Variants in BRD10 observed in about 807,000 individuals in gnomAD.
BRD10 encodes the protein bromodomain containing 10.
the BRD10 span, among the ~76,000 whole-genome samples, chr9:5,996,642 T>C: frequency 6.6e-6 from 1 of 152,180 alleles, no homozygotes; most frequent in Non-Finnish European, 1.5e-5. Context: ...ATGTAACTAA[T>C]TTTTAAAAAA....
the BRD10 span, among the ~76,000 whole-genome samples, chr9:5,972,587 T>C: frequency 3.0e-4 from 46 of 152,202 alleles, no homozygotes; most frequent in South Asian, 1.7e-3. Flanking sequence ...CAAGAACTAA[T>C]TGTTAAAATG....
At chr9:5,911,758 C>T in the BRD10 span, among the ~76,000 whole-genome samples, 1 of 152,010 alleles carries the variant, frequency 6.6e-6, no homozygotes, top group African/African-American at 2.4e-5. Flanking sequence ...TGGTCTTGAA[C>T]TCCTGACCTC....
the BRD10 span, among the ~76,000 whole-genome samples, chr9:5,928,446 A>G: frequency 1.3e-5 from 2 of 152,134 alleles, no homozygotes; most frequent in Non-Finnish European, 2.9e-5. Context: ...CTCAGTGTAA[A>G]AACTCCAATT....
chr9:5,954,153 AAAAC>A, the BRD10 span: 1 of 914,724 alleles, frequency 1.1e-6, no homozygotes, highest in East Asian at 2.6e-5. Context: ...TCATTAACAA[AAAAC>A]AAATTACGCA....
chr9:5,994,255 CA>C, the BRD10 span, among the ~76,000 whole-genome samples: 1 of 151,914 alleles, frequency 6.6e-6, no homozygotes, highest in Non-Finnish European at 1.5e-5. Context: ...ATATATAAAA[CA>C]TAATAGTAAA....
chr9:5,948,988 G>A, the BRD10 span, among the ~76,000 whole-genome samples: 2 of 152,170 alleles, frequency 1.3e-5, no homozygotes, highest in East Asian at 3.9e-4. Flanking sequence ...TGACATGAAA[G>A]CCAAATTAGT....
At chr9:5,914,397 A>G in the BRD10 span, among the ~76,000 whole-genome samples, 1 of 137,280 alleles carries the variant, frequency 7.3e-6, no homozygotes, top group African/African-American at 2.7e-5. Flanking sequence ...ATGGTGTTTT[A>G]CAAATCCAGA....
At chr9:5,883,329 C>T in the BRD10 span, among the ~76,000 whole-genome samples, 1 of 152,170 alleles carries the variant, frequency 6.6e-6, no homozygotes, top group Non-Finnish European at 1.5e-5. Flanking sequence ...CTCCAAGGAA[C>T]CTGAACTTGT....
chr9:5,976,327 A>C, the BRD10 span, among the ~76,000 whole-genome samples: 1 of 152,238 alleles, frequency 6.6e-6, no homozygotes, highest in African/African-American at 2.4e-5. Context: ...TTATGTACTG[A>C]GAAGGGTAGA....
At chr9:6,007,821 A>T in the BRD10 span, 1 of 1,425,398 alleles carries the variant, frequency 7.0e-7, no homozygotes, top group East Asian at 2.7e-5. Flanking sequence ...GGTGTGGAAC[A>T]GCCGCTCGAG....
the BRD10 span, among the ~76,000 whole-genome samples, chr9:6,003,442 T>C: frequency 6.6e-6 from 1 of 152,336 alleles, no homozygotes; most frequent in African/African-American, 2.4e-5. Flanking sequence ...ATCTTCTCCC[T>C]GTTTCTAATG....
At chr9:5,893,434 C>T in the BRD10 span, among the ~76,000 whole-genome samples, 3 of 152,160 alleles carry the variant, frequency 2.0e-5, no homozygotes, top group East Asian at 3.8e-4. Flanking sequence ...AACAGTCAAC[C>T]GCAGGGACCA....
chr9:5,985,913 T>C, the BRD10 span, among the ~76,000 whole-genome samples: 1 of 152,324 alleles, frequency 6.6e-6, no homozygotes, highest in East Asian at 1.9e-4. Flanking sequence ...ATGGCATTTA[T>C]GGCTAATTCT....
the BRD10 span, among the ~76,000 whole-genome samples, chr9:5,985,927 A>C: frequency 2.0e-5 from 3 of 151,966 alleles, no homozygotes; most frequent in Non-Finnish European, 2.9e-5. Context: ...TAATTCTTTA[A>C]AAAAAAATTG....
the BRD10 span, chr9:5,969,004 T>C: frequency 6.2e-7 from 1 of 1,610,190 alleles, no homozygotes; most frequent in Non-Finnish European, 8.5e-7. Context: ...ATGGATTAAC[T>C]TCTCCAAGAA....
chr9:5,990,197 G>A, the BRD10 span, among the ~76,000 whole-genome samples: 2,103 of 152,282 alleles, frequency 0.014, 27 homozygotes, highest in Non-Finnish European at 0.022. Flanking sequence ...AAGGAATTGC[G>A]GACCCAGGGA....
At chr9:5,881,942 G>A in the BRD10 span, among the ~76,000 whole-genome samples, 2 of 152,310 alleles carry the variant, frequency 1.3e-5, no homozygotes, top group East Asian at 3.9e-4. Flanking sequence ...CACTCTCACA[G>A]AGCCCAGGAA....
At chr9:6,006,869 T>C in the BRD10 span, among the ~76,000 whole-genome samples, 1 of 152,248 alleles carries the variant, frequency 6.6e-6, no homozygotes, top group African/African-American at 2.4e-5. Context: ...CAGGTCCAAC[T>C]TCCATCCCAC....
the BRD10 span, among the ~76,000 whole-genome samples, chr9:5,893,377 T>C: frequency 6.6e-6 from 1 of 152,198 alleles, no homozygotes; most frequent in Admixed American, 6.5e-5. Context: ...CAGAACTCCC[T>C]GTGAACCTGC....
Sources: gnomAD v4.1 joint callset for allele counts (sites outside exome capture counted in the v4.1 genomes callset) on GRCh38, gnomAD v4.1.1 for gene constraint, MANE v1.5 for transcripts, NCBI Gene and HGNC (gene_info 2026-07-23, HGNC 2026-07-21) for gene names.